ARHGAP22: variants seen among roughly 807,000 people sequenced by gnomAD.
ARHGAP22 encodes rho GTPase-activating protein 22.
A neutral mutation model predicts 59.1 loss-of-function variants in ARHGAP22; 48 were observed. The ratio of observed to expected loss-of-function variants is 0.81; its 90% CI spans 0.64 to 1.03. The LOEUF (loss-of-function observed/expected upper bound fraction) is 1.03. Among genes scored for constraint, ARHGAP22 ranks in the 50% least tolerant of loss-of-function variants. The pLI is 0.00. For missense variants in ARHGAP22, 1,015 were observed against 958.7 expected, an observed-to-expected ratio of 1.06 and a Z score of -0.78; for synonymous variants, 445 against 416.4, an observed-to-expected ratio of 1.07 and a Z score of -0.84.
At chr10:48,467,121 G>A (rs1015237813) in intron 4 of ARHGAP22, among the ~76,000 whole-genome samples, 14 of 152,248 alleles carry the variant, frequency 9.2e-5, no homozygotes, top group Admixed American at 9.2e-4. Flanking sequence ...GCATCCTAGT[G>A]CCAGAGATAT....
At chr10:48,434,155 T>G in the ARHGAP22 span, among the ~76,000 whole-genome samples, 5 of 152,324 alleles carry the variant, frequency 3.3e-5, no homozygotes, top group South Asian at 1.0e-3. Flanking sequence ...GGTAATACTT[T>G]CGGCAAAGGA....
chr10:48,624,193 C>T (rs185971522), intron 1 of ARHGAP22: 1,813 of 152,552 alleles, frequency 0.012, 12 homozygotes, highest in Non-Finnish European at 0.02. Flanking sequence ...AATCCCAGCA[C>T]ATTGGGAGGC....
chr10:48,633,976 T>A (rs577128802), intron 1 of ARHGAP22, among the ~76,000 whole-genome samples: 98 of 152,356 alleles, frequency 6.4e-4, no homozygotes, highest in African/African-American at 2.2e-3. Flanking sequence ...ATGCCCTATG[T>A]TCTCCCTCAC....
intron 3 of ARHGAP22, among the ~76,000 whole-genome samples, chr10:48,522,442 G>A (rs1458156491): frequency 6.6e-6 from 1 of 152,218 alleles, no homozygotes; most frequent in East Asian, 1.9e-4. Context: ...GCAAGAGGAG[G>A]TGCCCCTGGC....
chr10:48,598,624 C>A (rs954493495), intron 1 of ARHGAP22, among the ~76,000 whole-genome samples: 4 of 152,230 alleles, frequency 2.6e-5, no homozygotes, highest in African/African-American at 9.6e-5. Flanking sequence ...CAGGGCCACT[C>A]CCTGCGCACC....
At chr10:48,525,802 C>G (rs1235455319) in intron 3 of ARHGAP22, among the ~76,000 whole-genome samples, 1 of 152,094 alleles carries the variant, frequency 6.6e-6, no homozygotes, top group Admixed American at 6.5e-5. Flanking sequence ...AACAGGAAAC[C>G]AAGAGTGGTT....
At chr10:48,502,846 T>C (rs2051666747) in intron 3 of ARHGAP22, among the ~76,000 whole-genome samples, 1 of 152,274 alleles carries the variant, frequency 6.6e-6, no homozygotes, top group Non-Finnish European at 1.5e-5. Context: ...CAAGAGTCTC[T>C]GCCTCTCAGA....
chr10:48,593,702 A>G (rs1017927050), intron 1 of ARHGAP22, among the ~76,000 whole-genome samples: 1 of 152,268 alleles, frequency 6.6e-6, no homozygotes, highest in African/African-American at 2.4e-5. Context: ...ACAGCATACA[A>G]TTTAAAACTT....
intron 3 of ARHGAP22, among the ~76,000 whole-genome samples, chr10:48,517,070 A>G (rs2053356648): frequency 6.6e-6 from 1 of 152,142 alleles, no homozygotes; most frequent in Non-Finnish European, 1.5e-5. Flanking sequence ...GGACGAGGGG[A>G]CACGGGGAGG....
At chr10:48,440,001 G>A in the ARHGAP22 span, among the ~76,000 whole-genome samples, 1 of 152,206 alleles carries the variant, frequency 6.6e-6, no homozygotes, top group East Asian at 1.9e-4. Context: ...GTCATAGAGA[G>A]GCCTCCCAGG....
chr10:48,446,046 G>A lies in ARHGAP22; in HGVS notation c.*345C>T. 1 of 336,412 alleles carries A rather than the reference G, an allele frequency of 3.0e-6. No homozygotes were observed. Among genetic ancestry groups the A allele is most frequent in the Non-Finnish European group, 5.4e-6 (1 of 184,544 alleles). 20.8% of individuals were successfully genotyped at this position (336,412 alleles called of 1,614,324 possible). A position where few individuals can be genotyped will look rare whatever the true frequency, so the allele number is the denominator to read the frequency against. On this transcript the variant is annotated 3_prime_UTR_variant, in exon 10 of 10. Transcript: ENST00000249601. ...GGTAACAAGGCACCATGCTTTGTGA[G>A]CACATTTAATAAAGAAAGCTGACTG...
chr10:48,634,553 T>C (rs968583521), intron 1 of ARHGAP22, among the ~76,000 whole-genome samples: 5 of 152,166 alleles, frequency 3.3e-5, no homozygotes, highest in Admixed American at 3.3e-4. Context: ...TGGGGGTGGG[T>C]GAGCCTGGGC....
intron 2 of ARHGAP22, among the ~76,000 whole-genome samples, chr10:48,559,644 C>G (rs1189262699): frequency 1.3e-5 from 2 of 152,186 alleles, no homozygotes; most frequent in Non-Finnish European, 2.9e-5. Flanking sequence ...AATGGAGAAT[C>G]TTATGACATA....
chr10:48,643,969 G>T (rs2062181049), intron 1 of ARHGAP22, among the ~76,000 whole-genome samples: 1 of 151,956 alleles, frequency 6.6e-6, no homozygotes, highest in Non-Finnish European at 1.5e-5. Context: ...ACGACATGGA[G>T]AAACTCCATC....
At position 48,613,516 on chromosome 10, in the gene ARHGAP22, A is replaced by C. The variant is rs574503709; in HGVS notation, c.53-30364T>G. ...CAAACCCAAGTTTCCAGTAGTTCTT[A>C]GACCTAGGCCAGACTTCATGGTGCC... On this transcript the variant is annotated intron_variant, in intron 1 of 9. Coordinates refer to the ARHGAP22 transcript ENST00000435790. Among the ~76,000 whole-genome samples, 12 of 152,344 alleles carry C rather than the reference A, an allele frequency of 7.9e-5. No individual in the cohort carries two copies. In the Middle Eastern group the frequency reaches 0.01, roughly 130 times the overall value.
intron 1 of ARHGAP22, among the ~76,000 whole-genome samples, chr10:48,599,568 G>T (rs1001782478): frequency 6.6e-6 from 1 of 152,218 alleles, no homozygotes; most frequent in Non-Finnish European, 1.5e-5. Flanking sequence ...TAAAATAGCA[G>T]CCAAATCTGG....
chr10:48,479,518 C>T, intron 4 of ARHGAP22, 118 bp downstream of exon 4: 2 of 1,570,240 alleles, frequency 1.3e-6, no homozygotes, highest in East Asian at 2.3e-5. Context: ...GTGAGAAGCA[C>T]AGGATGCAGC....
At chr10:48,447,132 C>T (rs1329687172) in intron 9 of ARHGAP22, among the ~76,000 whole-genome samples, 2 of 152,212 alleles carry the variant, frequency 1.3e-5, no homozygotes, top group Non-Finnish European at 1.5e-5. Flanking sequence ...TCAGCTCAAG[C>T]GCCCCCTCCA....
chr10:48,535,604 G>A (rs1038565571), intron 3 of ARHGAP22, among the ~76,000 whole-genome samples: 1 of 152,234 alleles, frequency 6.6e-6, no homozygotes, highest in Non-Finnish European at 1.5e-5. Context: ...AATCTTTGCA[G>A]CTGCAAGAGA....
Sources: allele counts gnomAD v4.1 joint callset (sites outside exome capture counted in the v4.1 genomes callset), GRCh38; gene constraint gnomAD v4.1.1; transcripts MANE v1.5; gene names NCBI Gene and HGNC (gene_info 2026-07-23, HGNC 2026-07-21).